Variants in NCKAP5 observed in about 807,000 individuals in gnomAD.
NCKAP5 encodes the protein NCK associated protein 5, also known as nck-associated protein 5.
NCKAP5 carries 92 observed loss-of-function variants against 167.0 expected under a neutral mutation model. The ratio of observed to expected loss-of-function variants is 0.55; its 90% CI spans 0.47 to 0.66. NCKAP5 has a LOEUF of 0.66. Among genes scored for constraint, NCKAP5 ranks in the 30% least tolerant of loss-of-function variants. The pLI is 0.00. For missense variants in NCKAP5, 2,378 were observed against 2,315.0 expected (o/e 1.03, Z -0.56); for synonymous variants, 891 against 877.4 (o/e 1.02, Z -0.27).
chr2:133,222,777 T>A (rs2086711722), intron 4 of NCKAP5, among the ~76,000 whole-genome samples: 1 of 152,128 alleles, frequency 6.6e-6, no homozygotes, highest in South Asian at 2.1e-4. Context: ...ATCCCACTGC[T>A]CAAAAGTTTA....
chr2:132,773,926 A>G (rs1285024387), intron 15 of NCKAP5, 32 bp from the exon 16 acceptor site: 2 of 1,566,772 alleles, frequency 1.3e-6, no homozygotes, highest in South Asian at 2.3e-5. Flanking sequence ...GCAAGTTCTT[A>G]TTTGTTTTAT....
chr2:132,995,161 C>A (rs925487488), intron 6 of NCKAP5, among the ~76,000 whole-genome samples: 1 of 152,110 alleles, frequency 6.6e-6, no homozygotes. Flanking sequence ...ACTTACACTG[C>A]ACTAAATCTA....
intron 6 of NCKAP5, among the ~76,000 whole-genome samples, chr2:133,045,977 C>T (rs1296478225): frequency 6.6e-6 from 1 of 152,210 alleles, no homozygotes; most frequent in Non-Finnish European, 1.5e-5. Context: ...CAATGACTAA[C>T]AGGTGGGTAG....
At chr2:133,199,350 A>G (rs2085573997) in intron 5 of NCKAP5, among the ~76,000 whole-genome samples, 1 of 152,068 alleles carries the variant, frequency 6.6e-6, no homozygotes, top group Non-Finnish European at 1.5e-5. Flanking sequence ...TTTTGACAAG[A>G]GACTTATATT....
intron 3 of NCKAP5, among the ~76,000 whole-genome samples, chr2:133,465,272 T>G (rs1248799802): frequency 2.0e-5 from 3 of 151,320 alleles, no homozygotes; most frequent in African/African-American, 7.3e-5. Flanking sequence ...GGTTTTCTGT[T>G]CTTGAGATAG....
At chr2:132,981,106 A>G (rs2077125489) in intron 7 of NCKAP5, among the ~76,000 whole-genome samples, 1 of 152,350 alleles carries the variant, frequency 6.6e-6, no homozygotes, top group African/African-American at 2.4e-5. Context: ...AAACACAGAA[A>G]AAAGCACCTG....
intron 6 of NCKAP5, among the ~76,000 whole-genome samples, chr2:133,028,556 A>G (rs1425332198): frequency 6.6e-6 from 1 of 152,218 alleles, no homozygotes; most frequent in Non-Finnish European, 1.5e-5. Flanking sequence ...GTTGGTTAGC[A>G]ATGTAAAACA....
intron 5 of NCKAP5, among the ~76,000 whole-genome samples, chr2:133,156,951 G>T (rs1258906560): frequency 1.3e-5 from 2 of 152,036 alleles, no homozygotes; most frequent in African/African-American, 4.8e-5. Flanking sequence ...CACTCCAGGT[G>T]CTGTTCACCT....
At chr2:133,019,238 G>A (rs1458343950) in intron 6 of NCKAP5, among the ~76,000 whole-genome samples, 6 of 152,166 alleles carry the variant, frequency 3.9e-5, no homozygotes, top group African/African-American at 4.8e-5. Flanking sequence ...CACTCAATAC[G>A]TTGCAGCTCT....
At chr2:133,409,100 T>A (rs1371882071) in intron 3 of NCKAP5, among the ~76,000 whole-genome samples, 1 of 152,240 alleles carries the variant, frequency 6.6e-6, no homozygotes, top group African/African-American at 2.4e-5. Context: ...GTGAACCAAT[T>A]TGGTCACACA....
the NCKAP5 span, among the ~76,000 whole-genome samples, chr2:133,577,385 T>C: frequency 1.3e-5 from 2 of 152,194 alleles, no homozygotes; most frequent in Admixed American, 1.3e-4. Flanking sequence ...AAGACCCCTA[T>C]AGCATTGTAA....
chr2:133,611,451 G>T, the NCKAP5 span, among the ~76,000 whole-genome samples: 1 of 152,196 alleles, frequency 6.6e-6, no homozygotes, highest in Non-Finnish European at 1.5e-5. Flanking sequence ...CTACCAGGAT[G>T]ACAGGTTCAT....
At chr2:133,118,928 C>T (rs375663664) in intron 6 of NCKAP5, 73 of 152,076 alleles carry the variant, frequency 4.8e-4, no homozygotes, top group African/African-American at 1.7e-3. Flanking sequence ...ATAAAAGAGG[C>T]ACTAATGACA....
intron 11 of NCKAP5, among the ~76,000 whole-genome samples, chr2:132,834,345 CTTTG>C (rs988549068): frequency 6.6e-6 from 1 of 151,988 alleles, no homozygotes; most frequent in African/African-American, 2.4e-5. Context: ...TTATTTATCT[CTTTG>C]TTTGTTTGTT....
chr2:132,782,944 G>A lies in NCKAP5; in HGVS notation c.3867C>T (p.Pro1289=), dbSNP rs1257437662. The A allele has an allele frequency of 6.2e-7, 1 of 1,614,008 alleles. No homozygotes were observed. The highest frequency in any genetic ancestry group is 1.1e-5 in the South Asian group (1 of 91,084). Reference sequence around the variant, plus strand: ...GGACTTTGCCTGACCCTTCGATGGGGGGCGTAGAAGGCTTGTCTCCTGAGT... The same window carrying A: ...GGACTTTGCCTGACCCTTCGATGGGAGGCGTAGAAGGCTTGTCTCCTGAGT... The part of the protein sequence containing the change: ...STHSGDKPST[P]PIEGSGKVRT... The change falls in exon 14 of 20, where the codon CCC becomes CCT. Residue 1289 remains proline (P), a synonymous_variant. Transcript: ENST00000409261.
intron 8 of NCKAP5, among the ~76,000 whole-genome samples, chr2:132,921,992 C>T (rs1043891082): frequency 6.6e-6 from 1 of 152,144 alleles, no homozygotes; most frequent in African/African-American, 2.4e-5. Flanking sequence ...AGATGTAGGT[C>T]TAGAAATGTT....
intron 6 of NCKAP5, among the ~76,000 whole-genome samples, chr2:133,064,416 G>T (rs562820536): frequency 6.6e-6 from 1 of 151,858 alleles, no homozygotes; most frequent in Non-Finnish European, 1.5e-5. Flanking sequence ...AATCACATAC[G>T]TGCCAGAAAG....
chr2:132,734,613 G>A (rs916841485), intron 16 of NCKAP5, among the ~76,000 whole-genome samples: 1 of 152,150 alleles, frequency 6.6e-6, no homozygotes, highest in Non-Finnish European at 1.5e-5. Flanking sequence ...GTCATCAAAA[G>A]TTTGGTGCTT....
chr2:133,432,867 A>G (rs994042712), intron 3 of NCKAP5, among the ~76,000 whole-genome samples: 3 of 152,162 alleles, frequency 2.0e-5, no homozygotes, highest in African/African-American at 7.2e-5. Flanking sequence ...TTTTATTTCT[A>G]CATTTCTGGG....
Sources: allele counts gnomAD v4.1 joint callset (sites outside exome capture counted in the v4.1 genomes callset), GRCh38; gene constraint gnomAD v4.1.1; transcripts MANE v1.5; gene names NCBI Gene and HGNC (gene_info 2026-07-23, HGNC 2026-07-21).